Variants in COPRS observed in about 807,000 individuals in gnomAD.
COPRS encodes coordinator of PRMT5 and differentiation stimulator, also known as cooperator of PRMT5.
A neutral mutation model predicts 19.9 loss-of-function variants in COPRS; 11 were observed. That is an observed-to-expected ratio of 0.55 (90% confidence interval 0.35 to 0.92). The LOEUF (loss-of-function observed/expected upper bound fraction) is 0.92, where lower values mean the gene tolerates loss of function less well. COPRS is among the 40% of genes least tolerant of loss of function. The pLI is 0.01. For missense variants in COPRS, 225 were observed against 229.9 expected, an observed-to-expected ratio of 0.98 and a Z score of 0.14; for synonymous variants, 81 against 82.7, an observed-to-expected ratio of 0.98 and a Z score of 0.11.
chr17:31,853,092 G>T, intron 2 of COPRS, 62 bp from the exon 3 acceptor site: 1 of 1,295,134 alleles, frequency 7.7e-7, no homozygotes, highest in Non-Finnish European at 1.1e-6. Context: ...TCTGTGCTCA[G>T]TAAATTTTGG....
Position 31,859,032 on chromosome 17 carries a change from G to GCCCGGCCCCGCGACTT in COPRS, c.99+53_99+68dup, listed in dbSNP as rs1456366456. On this transcript the variant is annotated intron_variant, in intron 1 of 3. Coordinates refer to ENST00000302362, the MANE Select transcript of COPRS (RefSeq NM_018405.4). Reference sequence around the variant, plus strand: ...TCCCCGGCCCCGCGGCCCCCGCCCAGCCCGGCCCCGCGACTTCCCGCCCCA... The same window carrying GCCCGGCCCCGCGACTT: ...TCCCCGGCCCCGCGGCCCCCGCCCAGCCCGGCCCCGCGACTTCCCGGCCCCGCGACTTCCCGCCCCA... 1.0e-5 allele frequency: 12 copies of GCCCGGCCCCGCGACTT among 1,173,470 alleles called. No homozygotes were observed. The Admixed American group carries it at 5.2e-4, about 51-fold the overall frequency. The allele number at this position is 1,173,470 out of a possible 1,614,324, so 72.7% of individuals were successfully genotyped here.
intron 1 of COPRS, among the ~76,000 whole-genome samples, chr17:31,857,875 CTG>C (rs1909412152): frequency 6.6e-6 from 1 of 152,218 alleles, no homozygotes; most frequent in Non-Finnish European, 1.5e-5. Flanking sequence ...TACATCTAAA[CTG>C]TACTCGGCAC....
At chr17:31,852,472 C>T (rs545666020) in intron 3 of COPRS, among the ~76,000 whole-genome samples, 164 bp from the exon 4 acceptor site, 1 of 152,100 alleles carries the variant, frequency 6.6e-6, no homozygotes, top group African/African-American at 2.4e-5. Flanking sequence ...TGCGTTCATT[C>T]GGAACAGCTG....
At chr17:31,857,261 T>C (rs905571196) in intron 1 of COPRS, among the ~76,000 whole-genome samples, 28 of 152,180 alleles carry the variant, frequency 1.8e-4, no homozygotes, top group Non-Finnish European at 1.5e-4. Context: ...GCCTTCTCCT[T>C]AAAGGTTGGA....
intron 2 of COPRS, among the ~76,000 whole-genome samples, chr17:31,855,994 CAA>C (rs71142093): frequency 1.5e-5 from 2 of 132,996 alleles, no homozygotes; most frequent in African/African-American, 2.9e-5. Context: ...AACTCCCTCT[CAA>C]AAAAAAAAAA....
chr17:31,854,025 G>C (rs1909246584), intron 2 of COPRS, among the ~76,000 whole-genome samples: 1 of 152,020 alleles, frequency 6.6e-6, no homozygotes, highest in Non-Finnish European at 1.5e-5. Flanking sequence ...CAGAGCAAGG[G>C]GTCTAAAGCC....
chr17:31,855,435 G>T (rs957423186), intron 2 of COPRS, among the ~76,000 whole-genome samples: 9 of 151,718 alleles, frequency 5.9e-5, no homozygotes, highest in Admixed American at 5.9e-4. Context: ...TGAACCCAGG[G>T]GGCAGAGTTT....
chr17:31,856,245 G>T (rs1909347609), intron 2 of COPRS, among the ~76,000 whole-genome samples: 1 of 152,128 alleles, frequency 6.6e-6, no homozygotes, highest in Admixed American at 6.6e-5. Context: ...TGAGGCAGGA[G>T]AATTGCTTTA....
intron 2 of COPRS, among the ~76,000 whole-genome samples, chr17:31,853,972 T>C (rs1567769111): frequency 6.6e-6 from 1 of 152,192 alleles, no homozygotes; most frequent in Non-Finnish European, 1.5e-5. Flanking sequence ...ATGCTCTTAA[T>C]ACTGGAACAA....
In COPRS at chr17:31,852,042, T is replaced by C; in HGVS notation, c.*97A>G. On this transcript the variant is annotated 3_prime_UTR_variant, in exon 4 of 4. Transcript: ENST00000302362. ...CTGTGTACCCCAGACTAGGGGTCAC[T>C]GCAAACATTTTCTCAGATATGACTT... is the stretch of plus-strand genomic sequence containing the variant. 1 of 1,465,462 alleles carries C rather than the reference T, an allele frequency of 6.8e-7. No homozygotes were observed. Among genetic ancestry groups the C allele is most frequent in the Non-Finnish European group, 9.5e-7 (1 of 1,058,164 alleles). 90.8% of individuals were successfully genotyped at this position (1,465,462 alleles called of 1,614,324 possible).
rs1351527969 is a variant in COPRS at position 31,859,143 on chromosome 17, G to A, written c.57C>T (p.Gly19=). 6.5e-6 allele frequency: 7 copies of A among 1,077,780 alleles called. No individual in the cohort carries two copies. Among genetic ancestry groups the A allele is most frequent in the African/African-American group, 1.7e-5 (1 of 59,230 alleles). 66.8% of individuals were successfully genotyped at this position (1,077,780 alleles called of 1,614,324 possible). A position where few individuals can be genotyped will look rare whatever the true frequency, so the allele number is the denominator to read the frequency against. The part of the protein sequence containing the change: ...QAQGAAEPSR[G]PPLPSARGAP... ...CCCCCCGCGCGCTAGGCAGCGGCGG[G>A]CCCCGAGACGGCTCCGCGGCCCCCT... The change falls in exon 1 of 4, where the codon GGC becomes GGT. Residue 19 remains glycine, a synonymous_variant. Coordinates refer to ENST00000302362, the MANE Select transcript of COPRS (RefSeq NM_018405.4).
intron 2 of COPRS, among the ~76,000 whole-genome samples, chr17:31,853,420 G>A (rs1055676303): frequency 1.1e-4 from 16 of 147,550 alleles, no homozygotes; most frequent in South Asian, 4.3e-4. Context: ...TCGCTCTGTC[G>A]CCCAGGCTGG....
At position 31,852,854 on chromosome 17, in the gene COPRS, C is replaced by G. The variant is rs1417990975; in HGVS notation, c.343G>C (p.Asp115His). Residue 115 changes from aspartate (D) to histidine (H), a missense_variant, in exon 3 of 4, where the codon GAC becomes CAC. Asp to His is a moderately conservative substitution (Grantham distance 81). Transcript: ENST00000302362. ...TCTGCTTTCAACTCCGAGTCCCAGT[C>G]CTCATTAAAAAGATCGCCAGGCTGT... ...KEQPGDLFNE[D>H]WDSELKADQG... 2.7e-5 allele frequency: 43 copies of G among 1,614,064 alleles called. No individual in the cohort carries two copies. The highest frequency in any genetic ancestry group is 3.6e-5 in the Non-Finnish European group (42 of 1,180,024).
chr17:31,858,962 CA>C, intron 1 of COPRS, 138 bp downstream of exon 1: 1 of 1,389,202 alleles, frequency 7.2e-7, no homozygotes, highest in Non-Finnish European at 9.2e-7. Context: ...CGAGCCCAAA[CA>C]GCGCTCCGTG....
intron 2 of COPRS, among the ~76,000 whole-genome samples, chr17:31,856,095 G>A (rs1909342184): frequency 6.6e-6 from 1 of 152,000 alleles, no homozygotes; most frequent in Non-Finnish European, 1.5e-5. Context: ...AGCACTTTGG[G>A]AGGCCTAGGT....
intron 1 of COPRS, chr17:31,858,807 G>A: frequency 1.3e-6 from 2 of 1,550,376 alleles, no homozygotes; most frequent in Admixed American, 2.0e-5. Context: ...TCGGTCACCA[G>A]CGTCACCTCC....
At position 31,852,175 on chromosome 17, in the gene COPRS, G is replaced by A; in HGVS notation, c.519C>T (p.Val173=). 1 of 1,614,120 alleles carries A rather than the reference G, an allele frequency of 6.2e-7. No individual in the cohort carries two copies. Among genetic ancestry groups the A allele is most frequent in the Non-Finnish European group, 8.5e-7 (1 of 1,180,014 alleles). ...PPLIPYYSKM[V]FETGQFDDAE... is the part of the protein sequence containing the mutation. ...CATCGTCAAACTGTCCTGTTTCAAA[G>A]ACCATCTTGGAATAATAGGGTATCA... The change falls in exon 4 of 4, where the codon GTC becomes GTT. Residue 173 remains valine (V), a synonymous_variant. Coordinates refer to ENST00000302362, the MANE Select transcript of COPRS (RefSeq NM_018405.4).
intron 1 of COPRS, among the ~76,000 whole-genome samples, chr17:31,858,170 C>T (rs1174690998): frequency 6.6e-6 from 1 of 152,208 alleles, no homozygotes; most frequent in Non-Finnish European, 1.5e-5. Context: ...TCCCATCAAC[C>T]TGTTGAGCAT....
In COPRS at chr17:31,852,945, C is replaced by T; in HGVS notation, c.252G>A (p.Glu84=). The change falls in exon 3 of 4, where the codon GAG becomes GAA. Residue 84 remains glutamate (E), a synonymous_variant. Coordinates refer to ENST00000302362, the MANE Select transcript of COPRS (RefSeq NM_018405.4). ...TATTCAGTTCTCCATCAGAGTCCTC[C>T]TCATCCATGGCAAAGCCTTCCTCTT... The part of the protein sequence containing the change: ...HSEEEGFAMD[E]EDSDGELNTW... The T allele has an allele frequency of 6.2e-7, 1 of 1,614,060 alleles. No homozygotes were observed. Among genetic ancestry groups the T allele is most frequent in the Non-Finnish European group, 8.5e-7 (1 of 1,179,884 alleles).
Sources: gnomAD v4.1 joint callset for allele counts (sites outside exome capture counted in the v4.1 genomes callset) on GRCh38, gnomAD v4.1.1 for gene constraint, MANE v1.5 for transcripts, NCBI Gene and HGNC (gene_info 2026-07-23, HGNC 2026-07-21) for gene names.